Variants in GADL1 observed in about 807,000 individuals in gnomAD.
GADL1 encodes the protein GAD like acidic amino acid decarboxylase 1.
A neutral mutation model predicts 69.5 loss-of-function variants in GADL1; 71 were observed. That is an observed-to-expected ratio of 1.02 (90% CI 0.84 to 1.25). The LOEUF (loss-of-function observed/expected upper bound fraction) is 1.25. GADL1 is among the 50% of genes most tolerant of loss of function. The pLI, the probability that GADL1 is intolerant of heterozygous loss-of-function variation, is 0.00. For missense variants in GADL1, 737 were observed against 631.8 expected (o/e 1.17, Z -1.79); for synonymous variants, 254 against 214.4 (o/e 1.18, Z -1.62).
chr3:30,892,447 C>T (rs1698798636), intron 1 of GADL1, among the ~76,000 whole-genome samples: 1 of 152,220 alleles, frequency 6.6e-6, no homozygotes, highest in South Asian at 2.1e-4. Flanking sequence ...AGGTGTGTTG[C>T]TGCCTTATCA....
intron 1 of GADL1, among the ~76,000 whole-genome samples, chr3:30,891,032 T>TCTTCCTTCCTTCCTTCCTTCCTTCCTTC (rs59987855): frequency 6.7e-6 from 1 of 150,320 alleles, no homozygotes; most frequent in East Asian, 2.0e-4. Flanking sequence ...TACTTTGCAT[T>TCTTCCTTCCTTCCTTCCTTCCTTCCTTC]CTTCCTTCCT....
intron 14 of GADL1, among the ~76,000 whole-genome samples, chr3:30,729,865 A>T (rs1007888906): frequency 6.6e-6 from 1 of 152,234 alleles, no homozygotes; most frequent in East Asian, 1.9e-4. Flanking sequence ...ATAACAAAAC[A>T]AACACCTATT....
At chr3:30,875,387 T>G (rs1191901830) in intron 1 of GADL1, among the ~76,000 whole-genome samples, 2 of 151,844 alleles carry the variant, frequency 1.3e-5, no homozygotes, top group African/African-American at 4.8e-5. Context: ...CATTCCCATA[T>G]GAGGACCTTC....
At chr3:30,795,181 A>G (rs1353196498) in intron 12 of GADL1, among the ~76,000 whole-genome samples, 1 of 152,158 alleles carries the variant, frequency 6.6e-6, no homozygotes, top group African/African-American at 2.4e-5. Flanking sequence ...CCTTCCAACC[A>G]TGGGTGAAAT....
At chr3:30,772,286 A>G (rs1426831059) in intron 14 of GADL1, among the ~76,000 whole-genome samples, 1 of 152,232 alleles carries the variant, frequency 6.6e-6, no homozygotes, top group East Asian at 1.9e-4. Flanking sequence ...TGAAATAACC[A>G]TACATGAATA....
intron 1 of GADL1, among the ~76,000 whole-genome samples, chr3:30,886,688 C>T (rs1005212097): frequency 6.6e-6 from 1 of 152,134 alleles, no homozygotes; most frequent in Admixed American, 6.5e-5. Context: ...ACCACAACTG[C>T]GTTATACAGA....
chr3:30,875,645 G>A lies in GADL1; in HGVS notation c.38-13880C>T, dbSNP rs72851469. Among the ~76,000 whole-genome samples, 571 of 151,904 alleles carry A rather than the reference G, an allele frequency of 3.8e-3. 7 individuals carry two copies. The highest frequency in any genetic ancestry group is 0.013 in the African/African-American group (550 of 41,484). The stretch of plus-strand genomic sequence containing the variant: ...TGTCTTACAGCAGTTCTGAAATCCC[G>A]CTGGGCACATACTTCACATATTAAA... On this transcript the variant is annotated intron_variant, in intron 1 of 14. Coordinates refer to ENST00000282538, the MANE Select transcript of GADL1 (RefSeq NM_207359.3).
chr3:30,793,275 A>G (rs1393755), intron 12 of GADL1, among the ~76,000 whole-genome samples: 125,860 of 152,098 alleles, frequency 0.83, 52,352 homozygotes, highest in African/African-American at 0.9. Flanking sequence ...GTGTTGTTGG[A>G]AGGAAAGCCA....
chr3:30,773,654 T>C (rs1696469874), intron 14 of GADL1, among the ~76,000 whole-genome samples: 1 of 152,192 alleles, frequency 6.6e-6, no homozygotes, highest in South Asian at 2.1e-4. Context: ...CACTACAAAT[T>C]TGTTTATAAG....
intron 11 of GADL1, among the ~76,000 whole-genome samples, chr3:30,808,367 G>C (rs187162377): frequency 2.3e-4 from 35 of 151,972 alleles, no homozygotes; most frequent in Admixed American, 2.2e-3. Flanking sequence ...CATGGTGGTT[G>C]CATGCCTGTA....
intron 1 of GADL1, among the ~76,000 whole-genome samples, chr3:30,889,802 G>C (rs1698762837): frequency 6.6e-6 from 1 of 152,176 alleles, no homozygotes; most frequent in South Asian, 2.1e-4. Flanking sequence ...AGGTGGTACA[G>C]TATAAGTGAT....
intron 9 of GADL1, among the ~76,000 whole-genome samples, chr3:30,835,011 A>G (rs1389077942): frequency 6.6e-6 from 1 of 152,136 alleles, no homozygotes; most frequent in Non-Finnish European, 1.5e-5. Flanking sequence ...GGATAACTGT[A>G]TTGAGAGAAT....
At chr3:30,836,140 G>A (rs1358676549) in intron 9 of GADL1, among the ~76,000 whole-genome samples, 1 of 151,984 alleles carries the variant, frequency 6.6e-6, no homozygotes. Context: ...ACTACAGGAA[G>A]GATTAATTAG....
intron 1 of GADL1, among the ~76,000 whole-genome samples, chr3:30,886,869 C>G (rs549239101): frequency 1.3e-5 from 2 of 152,250 alleles, no homozygotes; most frequent in African/African-American, 4.8e-5. Flanking sequence ...ATTGGAGCTT[C>G]GGTCACAAAT....
intron 14 of GADL1, among the ~76,000 whole-genome samples, chr3:30,732,860 C>G (rs990753804): frequency 2.0e-5 from 3 of 152,122 alleles, no homozygotes; most frequent in African/African-American, 7.2e-5. Context: ...GAGTTTGAGA[C>G]CAGCCTGAGC....
chr3:30,891,317 G>C (rs917569264), intron 1 of GADL1, among the ~76,000 whole-genome samples: 4 of 152,118 alleles, frequency 2.6e-5, no homozygotes, highest in African/African-American at 9.7e-5. Flanking sequence ...TGCCTCCTCA[G>C]GACTGCCACA....
At chr3:30,853,105 C>T (rs923304573) in intron 4 of GADL1, among the ~76,000 whole-genome samples, 6 of 152,052 alleles carry the variant, frequency 3.9e-5, no homozygotes, top group Admixed American at 2.6e-4. Flanking sequence ...TCCTTCTATT[C>T]TCGCCATTGT....
chr3:30,816,509 C>CATATATTCTTAAT (rs144175990), intron 11 of GADL1, among the ~76,000 whole-genome samples: 1,747 of 120,254 alleles, frequency 0.015, 161 homozygotes, highest in African/African-American at 0.066. Context: ...TCCCCAAGAC[C>CATATATTCTTAAT]ATATATTCTT....
intron 14 of GADL1, among the ~76,000 whole-genome samples, chr3:30,759,698 A>G (rs528544316): frequency 1.3e-5 from 2 of 152,316 alleles, no homozygotes; most frequent in Admixed American, 1.3e-4. Context: ...AGAAATACGC[A>G]TATGTATCCT....
Sources: gnomAD v4.1 joint callset for allele counts (sites outside exome capture counted in the v4.1 genomes callset) on GRCh38, gnomAD v4.1.1 for gene constraint, MANE v1.5 for transcripts, NCBI Gene and HGNC (gene_info 2026-07-23, HGNC 2026-07-21) for gene names.